The following DPH6 variants were observed in gnomAD, a reference collection of about 807,000 sequenced individuals.
DPH6 encodes the protein diphthine--ammonia ligase.
Under a neutral mutation model 38.2 loss-of-function variants are expected in DPH6, and 33 were observed. That is an observed-to-expected ratio of 0.86 (90% CI 0.65 to 1.15). The LOEUF is 1.15. Ranked by LOEUF, DPH6 falls within the 50% of genes most tolerant of loss-of-function variation. DPH6 has a pLI of 0.00. For missense variants in DPH6, 325 were observed against 320.0 expected (o/e 1.02, Z -0.12); for synonymous variants, 108 against 103.0 (o/e 1.05, Z -0.30).
At chr15:35,382,254 T>C (rs896924730) in intron 6 of DPH6, among the ~76,000 whole-genome samples, 15 of 151,796 alleles carry the variant, frequency 9.9e-5, no homozygotes, top group Admixed American at 3.9e-4. Flanking sequence ...GCTAACATGG[T>C]GAAACACCGT....
chr15:35,521,114 A>C (rs748716360), intron 3 of DPH6: 21 of 985,162 alleles, frequency 2.1e-5, no homozygotes, highest in Non-Finnish European at 2.5e-5. Flanking sequence ...CAAAAAGTAA[A>C]GCAATGCTAA....
At chr15:35,422,048 A>C (rs2053512079) in intron 5 of DPH6, among the ~76,000 whole-genome samples, 1 of 152,008 alleles carries the variant, frequency 6.6e-6, no homozygotes, top group African/African-American at 2.4e-5. Flanking sequence ...CAGAAAAGGG[A>C]ATAATGAGTC....
intron 3 of DPH6, among the ~76,000 whole-genome samples, chr15:35,523,548 T>A (rs2054955594): frequency 6.6e-6 from 1 of 151,984 alleles, no homozygotes; most frequent in African/African-American, 2.4e-5. Context: ...AAAACTGAAC[T>A]GGGATTGCAA....
At chr15:35,486,625 G>T (rs1254656874) in intron 3 of DPH6, among the ~76,000 whole-genome samples, 2 of 151,936 alleles carry the variant, frequency 1.3e-5, no homozygotes, top group East Asian at 3.9e-4. Flanking sequence ...TGACACATGG[G>T]GATTATAATT....
intron 5 of DPH6, among the ~76,000 whole-genome samples, chr15:35,440,466 T>G (rs1386523601): frequency 3.3e-5 from 5 of 152,226 alleles, no homozygotes; most frequent in Non-Finnish European, 7.3e-5. Flanking sequence ...AACTGGAGCC[T>G]CAAACAATGG....
At chr15:35,279,821 C>A (rs1305108798) in intron 3 of DPH6, among the ~76,000 whole-genome samples, 1 of 152,152 alleles carries the variant, frequency 6.6e-6, no homozygotes, top group Non-Finnish European at 1.5e-5. Context: ...CCCCACCCCC[C>A]AAATTCATAT....
At chr15:35,267,137 G>A (rs1222099858) in intron 3 of DPH6, among the ~76,000 whole-genome samples, 2 of 152,078 alleles carry the variant, frequency 1.3e-5, no homozygotes, top group East Asian at 3.9e-4. Flanking sequence ...AGTATAAAGT[G>A]CAGTAAAAAA....
chr15:35,419,943 T>C (rs557187983), intron 5 of DPH6, among the ~76,000 whole-genome samples: 7 of 152,262 alleles, frequency 4.6e-5, no homozygotes, highest in East Asian at 1.9e-4. Context: ...AGGAACCTAA[T>C]AGATATTTAC....
intron 4 of DPH6, among the ~76,000 whole-genome samples, chr15:35,454,524 A>G (rs1181439538): frequency 6.6e-6 from 1 of 152,088 alleles, no homozygotes; most frequent in Non-Finnish European, 1.5e-5. Flanking sequence ...ATTATAGATT[A>G]TTTTTCCTTA....
chr15:35,479,847 T>C (rs528872759), intron 3 of DPH6, among the ~76,000 whole-genome samples: 1 of 152,278 alleles, frequency 6.6e-6, no homozygotes, highest in East Asian at 1.9e-4. Flanking sequence ...TATTAAAAAT[T>C]CTAATTGAAA....
rs527354963 is a variant in DPH6, at chr15:35,337,860, C to A, written n.208-6783G>T. Among the ~76,000 whole-genome samples, 9 of 151,970 alleles carry A rather than the reference C, an allele frequency of 5.9e-5. No individual in the cohort carries two copies. The South Asian group carries it at 6.3e-4, about 11-fold the overall frequency. On this transcript the variant is annotated intron_variant and non_coding_transcript_variant, in intron 3 of 3. Coordinates refer to the DPH6 transcript ENST00000558973. Reference sequence around the variant, plus strand: ...TATAGACCAATGGAACAGAACAGAGCCCTCAGAAATAATGCCACATATCTA... The same window carrying A: ...TATAGACCAATGGAACAGAACAGAGACCTCAGAAATAATGCCACATATCTA...
At position 35,391,867 on chromosome 15, in the gene DPH6, A is replaced by T. The variant is rs8023380; in HGVS notation, c.568-9951T>A. Among the ~76,000 whole-genome samples the T allele has an allele frequency of 5.5e-3, 833 of 152,136 alleles. 9 individuals carry two copies. The highest frequency in any genetic ancestry group is 0.018 in the African/African-American group (766 of 41,494). ...CACTGTCCTGCACCCGCTGTCCGGC[A>T]CTCCTCAGTGAGAGGAACCCGGTAC... On this transcript the variant is annotated intron_variant, in intron 6 of 8. Coordinates refer to ENST00000256538, the MANE Select transcript of DPH6 (RefSeq NM_080650.4).
chr15:35,278,691 G>C (rs1276507467), intron 3 of DPH6, among the ~76,000 whole-genome samples: 2 of 152,210 alleles, frequency 1.3e-5, no homozygotes, highest in Admixed American at 1.3e-4. Flanking sequence ...ATCCAGCAAA[G>C]CTATAGAGTT....
intron 5 of DPH6, among the ~76,000 whole-genome samples, chr15:35,435,137 C>A (rs2053680913): frequency 6.6e-6 from 1 of 151,968 alleles, no homozygotes; most frequent in Admixed American, 6.5e-5. Context: ...AAACTTCCTT[C>A]CCCAGTAGAA....
the DPH6 span, among the ~76,000 whole-genome samples, chr15:35,203,262 T>C: frequency 6.6e-6 from 1 of 151,706 alleles, no homozygotes. Flanking sequence ...ATTTGAGCAA[T>C]TTGTGTTCTT....
intron 2 of DPH6, 53 bp from the exon 3 acceptor site, chr15:35,538,520 G>A: frequency 7.2e-7 from 1 of 1,389,716 alleles, no homozygotes. Context: ...AAAGAAAGCG[G>A]ATTTGAAAGC....
chr15:35,539,144 C>G (rs2055215549), intron 2 of DPH6, among the ~76,000 whole-genome samples: 1 of 151,892 alleles, frequency 6.6e-6, no homozygotes, highest in South Asian at 2.1e-4. Context: ...TGAGTCACAT[C>G]AGAGCTCTGG....
chr15:35,347,449 G>A (rs1214053022), intron 3 of DPH6, among the ~76,000 whole-genome samples: 1 of 149,852 alleles, frequency 6.7e-6, no homozygotes, highest in Admixed American at 6.7e-5. Flanking sequence ...ACCACACCCA[G>A]CCTCCTCCTT....
chr15:35,423,671 G>A (rs1322218003), intron 5 of DPH6, among the ~76,000 whole-genome samples: 1 of 151,456 alleles, frequency 6.6e-6, no homozygotes, highest in Non-Finnish European at 1.5e-5. Flanking sequence ...TTACATTTTT[G>A]GGTCTTGCAT....
Sources: gnomAD v4.1 joint callset for allele counts (sites outside exome capture counted in the v4.1 genomes callset) on GRCh38, gnomAD v4.1.1 for gene constraint, MANE v1.5 for transcripts, NCBI Gene and HGNC (gene_info 2026-07-23, HGNC 2026-07-21) for gene names.